ADAMTS2: variants seen among roughly 807,000 people sequenced by gnomAD.
The protein encoded by ADAMTS2 is ADAM metallopeptidase with thrombospondin type 1 motif 2, also known as A disintegrin and metalloproteinase with thrombospondin motifs 2.
Under a neutral mutation model 123.0 loss-of-function variants are expected in ADAMTS2, and 50 were observed. The observed-to-expected ratio is 0.41, with a 90% CI of 0.32 to 0.51. The LOEUF (loss-of-function observed/expected upper bound fraction) is 0.51, where lower values mean the gene tolerates loss of function less well. Among genes scored for constraint, ADAMTS2 ranks in the 20% least tolerant of loss-of-function variants. ADAMTS2 has a pLI of 0.35. For synonymous variants in ADAMTS2, 678 were observed against 695.4 expected (o/e 0.98, Z 0.39); for missense variants, 1,494 against 1,705.2 (o/e 0.88, Z 2.18).
chr5:179,129,950 G>A lies in ADAMTS2; in HGVS notation c.2439C>T (p.His813=), dbSNP rs141661592. 384 of 1,613,842 alleles carry A rather than the reference G, an allele frequency of 2.4e-4. 1 individual carries two copies. Among genetic ancestry groups the A allele is most frequent in the Non-Finnish European group, 1.5e-4 (182 of 1,180,028 alleles). Residue 813 remains histidine, a synonymous_variant, in exon 16 of 22, where the codon CAC becomes CAT. Transcript: ENST00000251582. The surrounding 1 kb of genome is among the most constrained non-coding windows in gnomAD (Gnocchi z 4.1). ...RETLQTMGPL[H]GTITVLVIPV... ...GACTCACCAGAACGGTGATGGTGCCGTGGAGGGGGCCCATGGTCTGCAGCG... is the reference window on the plus strand; with the variant it reads ...GACTCACCAGAACGGTGATGGTGCCATGGAGGGGGCCCATGGTCTGCAGCG...
chr5:179,137,653 C>T, intron 12 of ADAMTS2, 116 bp downstream of exon 12: 2 of 1,408,248 alleles, frequency 1.4e-6, no homozygotes, highest in Non-Finnish European at 1.9e-6. Context: ...GGCTCTCCTG[C>T]CAGCCCAGGG....
At chr5:179,259,774 C>T (rs192470676) in intron 3 of ADAMTS2, among the ~76,000 whole-genome samples, 84 of 152,306 alleles carry the variant, frequency 5.5e-4, no homozygotes, top group African/African-American at 1.9e-3. Context: ...GGTGCTTGGG[C>T]CTGGAAGGAA....
rs1430886847 is a variant in ADAMTS2, at chr5:179,170,300, G to C, written c.975+10772C>G. ...GCAGGTGGGGAGCTGGTCTATTTCT[G>C]TCACAATTTGGGATGAATAACAGGA... On this transcript the variant is annotated intron_variant, in intron 5 of 21. Coordinates refer to ENST00000251582, the MANE Select transcript of ADAMTS2 (RefSeq NM_014244.5). The surrounding 1 kb of genome is among the most constrained non-coding windows in gnomAD (Gnocchi z 4.3). Among the ~76,000 whole-genome samples, 1 of 152,096 alleles carries C rather than the reference G, an allele frequency of 6.6e-6. No individual in the cohort carries two copies. Among genetic ancestry groups the C allele is most frequent in the South Asian group, 2.1e-4 (1 of 4,806 alleles).
intron 2 of ADAMTS2, among the ~76,000 whole-genome samples, chr5:179,276,627 A>G (rs1766702694): frequency 6.6e-6 from 1 of 152,152 alleles, no homozygotes. Flanking sequence ...TTGCTTTCCA[A>G]ATGAGGAAAC....
Position 179,189,540 on chromosome 5 carries a change from G to A in ADAMTS2, c.892-8385C>T, listed in dbSNP as rs61245564. 3.4e-5 allele frequency among the ~76,000 whole-genome samples: 1 copy of A among 29,374 alleles called. No homozygotes were observed. The highest frequency in any genetic ancestry group is 6.3e-5 in the Non-Finnish European group (1 of 15,762). The allele number at this position is 29,374 out of a possible 152,430, so 19.3% of individuals were successfully genotyped here. ...TTTTTTTTTTTTTTTTTTTTTTTTAGTAGAGGCAGGGTTTCACAATGTTAG... is the reference window on the plus strand; with the variant it reads ...TTTTTTTTTTTTTTTTTTTTTTTTAATAGAGGCAGGGTTTCACAATGTTAG... On this transcript the variant is annotated intron_variant, in intron 4 of 21. Transcript: ENST00000251582. This position sits in a 1 kb window ranked among gnomAD's most constrained non-coding sequence, Gnocchi z 4.2.
intron 20 of ADAMTS2, among the ~76,000 whole-genome samples, chr5:179,122,388 G>A (rs1762778928): frequency 6.6e-6 from 1 of 151,914 alleles, no homozygotes; most frequent in Admixed American, 6.6e-5. Context: ...TCCCTAGCTG[G>A]CCGAGTCCTG....
intron 2 of ADAMTS2, among the ~76,000 whole-genome samples, chr5:179,324,553 G>C (rs1757262887): frequency 6.6e-6 from 1 of 152,048 alleles, no homozygotes; most frequent in African/African-American, 2.4e-5. Flanking sequence ...ACCACGCCCG[G>C]CTAGTTCCTT....
intron 3 of ADAMTS2, among the ~76,000 whole-genome samples, chr5:179,223,736 CAT>C (rs1332465126): frequency 2.0e-5 from 3 of 152,218 alleles, no homozygotes; most frequent in East Asian, 1.9e-4. Context: ...ACATTCATCA[CAT>C]GTGAGTGTAT....
chr5:179,159,349 C>T (rs570025475), intron 5 of ADAMTS2, among the ~76,000 whole-genome samples: 1 of 152,174 alleles, frequency 6.6e-6, no homozygotes, highest in East Asian at 1.9e-4. Flanking sequence ...CCAGAGGAAG[C>T]AGATCACCTT....
At chr5:179,127,297 G>A (rs746885498) in intron 17 of ADAMTS2, among the ~76,000 whole-genome samples, 7 of 152,174 alleles carry the variant, frequency 4.6e-5, no homozygotes. Flanking sequence ...CCCTGGAAGA[G>A]GACCCTTCCA....
chr5:179,213,424 G>A (rs1764906481), intron 3 of ADAMTS2, among the ~76,000 whole-genome samples: 1 of 152,194 alleles, frequency 6.6e-6, no homozygotes, highest in Non-Finnish European at 1.5e-5. Flanking sequence ...ATGGGGTCTG[G>A]TGTGCCTCAG....
rs148203901 is a variant in ADAMTS2, at chr5:179,330,453, T to A, written c.534+13314A>T. On this transcript the variant is annotated intron_variant, in intron 2 of 21. Coordinates refer to ENST00000251582, the MANE Select transcript of ADAMTS2 (RefSeq NM_014244.5). ...GCCCCAATCAGGGCCACCTGCAATG[T>A]CCAGCAGCCTCCCTGCAACTGCCCC... Among the ~76,000 whole-genome samples the A allele has an allele frequency of 8.1e-3, 1,230 of 152,356 alleles. 35 individuals carry two copies. Among genetic ancestry groups the A allele is most frequent in the Admixed American group, 0.051 (782 of 15,306 alleles).
intron 20 of ADAMTS2, 54 bp downstream of exon 20, chr5:179,122,590 C>T: frequency 3.2e-6 from 5 of 1,541,374 alleles, no homozygotes; most frequent in Non-Finnish European, 4.4e-6. Flanking sequence ...TCTGACACCC[C>T]CGCCCTGGGC....
At chr5:179,213,527 G>A (rs570200062) in intron 3 of ADAMTS2, among the ~76,000 whole-genome samples, 12 of 152,280 alleles carry the variant, frequency 7.9e-5, no homozygotes, top group African/African-American at 2.6e-4. Context: ...CAGCAGAGGC[G>A]AGCTGGGGGC....
At chr5:179,168,569 A>C (rs1031104937) in intron 5 of ADAMTS2, among the ~76,000 whole-genome samples, 3 of 152,214 alleles carry the variant, frequency 2.0e-5, no homozygotes, top group African/African-American at 7.2e-5. Flanking sequence ...GAAGCTCTAC[A>C]AACAGTCACT....
intron 5 of ADAMTS2, among the ~76,000 whole-genome samples, chr5:179,176,957 G>A (rs1763946038): frequency 6.6e-6 from 1 of 152,130 alleles, no homozygotes; most frequent in Non-Finnish European, 1.5e-5. Context: ...CTTCAGGTGT[G>A]GGTGGAACGG....
At chr5:179,123,646 C>A (rs529103347) in intron 19 of ADAMTS2, among the ~76,000 whole-genome samples, 4 of 152,204 alleles carry the variant, frequency 2.6e-5, no homozygotes, top group Non-Finnish European at 4.4e-5. Context: ...CCAGGCTGGT[C>A]TCTAACACCT....
At position 179,158,121 on chromosome 5, in the gene ADAMTS2, T is replaced by C. The variant is rs571499615; in HGVS notation, c.1132+602A>G. Among the ~76,000 whole-genome samples, 6 of 152,178 alleles carry C rather than the reference T, an allele frequency of 3.9e-5. No individual in the cohort carries two copies. In the South Asian group the frequency reaches 1.2e-3, roughly 32 times the overall value. Reference sequence around the variant, plus strand: ...CTGGGACTACAGGCGCCCGCCACCATGCCCTGCTAATTTTTTTGTATTTTT... The same window carrying C: ...CTGGGACTACAGGCGCCCGCCACCACGCCCTGCTAATTTTTTTGTATTTTT... On this transcript the variant is annotated intron_variant, in intron 6 of 21. Transcript: ENST00000251582. The surrounding 1 kb of genome is among the most constrained non-coding windows in gnomAD (Gnocchi z 5.0).
In ADAMTS2 at chr5:179,265,947, G is replaced by A. The variant is rs140565216; in HGVS notation, c.688+6964C>T. On this transcript the variant is annotated intron_variant, in intron 3 of 21. Transcript: ENST00000251582. ...GCTGAGAAGACTCCAGGGATCCAGC[G>A]CCGAGGCGCTGAACTCAGTGAGTCG... Among the ~76,000 whole-genome samples, 658 of 152,350 alleles carry A rather than the reference G, an allele frequency of 4.3e-3. 2 individuals carry two copies. The highest frequency in any genetic ancestry group is 0.015 in the African/African-American group (623 of 41,586).
Sources: allele counts gnomAD v4.1 joint callset (sites outside exome capture counted in the v4.1 genomes callset), GRCh38; gene constraint gnomAD v4.1.1; non-coding constraint Gnocchi (gnomAD v3.1); transcripts MANE v1.5; gene names NCBI Gene and HGNC (gene_info 2026-07-23, HGNC 2026-07-21).